The following EFCC1 variants were observed in gnomAD, a reference collection of about 807,000 sequenced individuals.
EFCC1 encodes EF-hand and coiled-coil domain-containing protein 1.
A neutral mutation model predicts 52.1 loss-of-function variants in EFCC1; 50 were observed. The ratio of observed to expected loss-of-function variants is 0.96; its 90% CI spans 0.76 to 1.21. EFCC1 has a LOEUF of 1.21. Among genes scored for constraint, EFCC1 ranks in the 50% most tolerant of loss-of-function variants. EFCC1 has a pLI of 0.00. For synonymous variants in EFCC1, 399 were observed against 396.5 expected, an observed-to-expected ratio of 1.01 and a Z score of -0.08; for missense variants, 837 against 867.3, an observed-to-expected ratio of 0.97 and a Z score of 0.44.
intron 2 of EFCC1, among the ~76,000 whole-genome samples, chr3:129,009,451 T>C (rs1246814115): frequency 6.6e-6 from 1 of 152,178 alleles, no homozygotes; most frequent in African/African-American, 2.4e-5. Context: ...AGACCATCTG[T>C]CATCTGAACC....
intron 3 of EFCC1, 64 bp from the exon 4 acceptor site, chr3:129,032,755 C>T: frequency 6.5e-7 from 1 of 1,526,812 alleles, no homozygotes. Context: ...CACATGTCCC[C>T]CTGGGGAGGG....
chr3:129,006,027 T>C (rs555379388), intron 2 of EFCC1, among the ~76,000 whole-genome samples: 1 of 152,254 alleles, frequency 6.6e-6, no homozygotes, highest in Non-Finnish European at 1.5e-5. Context: ...AGTGGATTCA[T>C]AGCCAATGCA....
At chr3:129,013,490 C>T (rs1287039519) in intron 2 of EFCC1, among the ~76,000 whole-genome samples, 5 of 152,206 alleles carry the variant, frequency 3.3e-5, no homozygotes, top group African/African-American at 1.2e-4. Context: ...TCTTGTCTTT[C>T]TCCTAGTTGG....
In EFCC1 at chr3:129,040,258, A is replaced by C. The variant is rs933655845; in HGVS notation, c.*410A>C. On this transcript the variant is annotated 3_prime_UTR_variant, in exon 8 of 8. Coordinates refer to ENST00000683648, the MANE Select transcript of EFCC1 (RefSeq NM_001377500.1). This position sits in a 1 kb window ranked among gnomAD's most constrained non-coding sequence, Gnocchi z 4.4. The stretch of plus-strand genomic sequence containing the variant: ...GCACTGTCTCCTTCCTCCCACTGGC[A>C]TGCCTGCTGCAACGGAGACTGGGCC... 2 of 180,132 alleles carry C rather than the reference A, an allele frequency of 1.1e-5. No individual in the cohort carries two copies. The highest frequency in any genetic ancestry group is 4.7e-5 in the African/African-American group (2 of 42,698). 11.2% of individuals were successfully genotyped at this position (180,132 alleles called of 1,614,324 possible).
chr3:129,031,005 G>A, intron 3 of EFCC1, 145 bp downstream of exon 3: 2 of 1,153,012 alleles, frequency 1.7e-6, no homozygotes, highest in African/African-American at 1.6e-5. Context: ...AGGCTGGGCT[G>A]GGGCCCTTTT....
In EFCC1 at chr3:129,040,484, G is replaced by C. The variant is rs1347717204; in HGVS notation, c.*636G>C. On this transcript the variant is annotated 3_prime_UTR_variant, in exon 8 of 8. Coordinates refer to ENST00000683648, the MANE Select transcript of EFCC1 (RefSeq NM_001377500.1). This position sits in a 1 kb window ranked among gnomAD's most constrained non-coding sequence, Gnocchi z 4.4. ...GGAAGGGCATAGAATCTAAGGTAATGGCAAGAGCAAAGGTGTGGAACCAGA... is the reference window on the plus strand; with the variant it reads ...GGAAGGGCATAGAATCTAAGGTAATCGCAAGAGCAAAGGTGTGGAACCAGA... 6.6e-6 allele frequency: 1 copy of C among 152,388 alleles called. No homozygotes were observed. The highest frequency in any genetic ancestry group is 2.4e-5 in the African/African-American group (1 of 41,468). 9.4% of individuals were successfully genotyped at this position (152,388 alleles called of 1,614,324 possible). A position where few individuals can be genotyped will look rare whatever the true frequency, so the allele number is the denominator to read the frequency against.
chr3:129,020,510 A>C (rs1222758731), intron 2 of EFCC1, among the ~76,000 whole-genome samples: 1 of 152,154 alleles, frequency 6.6e-6, no homozygotes, highest in East Asian at 1.9e-4. Flanking sequence ...GGTGGCCTGC[A>C]CCTGTGGTCC....
At chr3:129,039,029 T>C (rs1946391621) in intron 7 of EFCC1, 129 bp downstream of exon 7, 1 of 845,084 alleles carries the variant, frequency 1.2e-6, no homozygotes, top group Admixed American at 2.3e-5. Flanking sequence ...CCCTGCATGC[T>C]TTAGAAAGCT....
intron 2 of EFCC1, among the ~76,000 whole-genome samples, chr3:129,017,733 C>G (rs1322120848): frequency 2.4e-4 from 33 of 140,106 alleles, no homozygotes; most frequent in Admixed American, 2.2e-3. Context: ...TGTGATTAGA[C>G]AGGGATAATC....
At chr3:129,035,244 C>T (rs1651012439) in intron 5 of EFCC1, among the ~76,000 whole-genome samples, 1 of 152,206 alleles carries the variant, frequency 6.6e-6, no homozygotes, top group Admixed American at 6.5e-5. Flanking sequence ...TACCAGCTGA[C>T]TTGTACAACC....
Position 129,002,043 on chromosome 3 carries a change from G to A in EFCC1, c.415G>A (p.Glu139Lys), listed in dbSNP as rs747504557. ...ARLALRAEPPELTFRQFHARL... is the reference protein window; with the variant it reads ...ARLALRAEPPKLTFRQFHARL... The stretch of plus-strand genomic sequence containing the variant: ...CCTGGCGCTGCGCGCCGAGCCGCCG[G>A]AGCTCACCTTCCGCCAGTTCCACGC... The change falls in exon 1 of 8, where the codon GAG (glutamate) becomes AAG (lysine). Residue 139 changes from glutamate to lysine, a missense_variant. Physicochemically the swap from Glu to Lys is moderately conservative, Grantham distance 56. Coordinates refer to ENST00000683648, the MANE Select transcript of EFCC1 (RefSeq NM_001377500.1). 2.6e-6 allele frequency: 4 copies of A among 1,543,646 alleles called. No homozygotes were observed. Among genetic ancestry groups the A allele is most frequent in the East Asian group, 2.5e-5 (1 of 40,296 alleles).
At chr3:129,005,295 C>T (rs1576701352) in intron 2 of EFCC1, among the ~76,000 whole-genome samples, 4 of 152,274 alleles carry the variant, frequency 2.6e-5, no homozygotes, top group South Asian at 2.1e-4. Context: ...AGGATGTTAC[C>T]GGGCCAGATG....
intron 2 of EFCC1, among the ~76,000 whole-genome samples, chr3:129,027,555 A>G (rs974138170): frequency 9.2e-5 from 14 of 152,200 alleles, no homozygotes; most frequent in African/African-American, 3.4e-4. Context: ...TGAGAGGCTC[A>G]GCAAGGGGCC....
At chr3:129,023,405 T>TGCAA (rs1482341293) in intron 2 of EFCC1, among the ~76,000 whole-genome samples, 1 of 151,684 alleles carries the variant, frequency 6.6e-6, no homozygotes, top group Non-Finnish European at 1.5e-5. Flanking sequence ...CTTGGCTCAC[T>TGCAA]GCAAGCTCTG....
Position 129,039,769 on chromosome 3 carries a change from G to A in EFCC1, c.1721G>A (p.Cys574Tyr). The change falls in exon 8 of 8, where the codon TGC (cysteine) becomes TAC (tyrosine). Residue 574 changes from cysteine to tyrosine, a missense_variant. By Grantham distance (194) the Cys-to-Tyr change is radical. Transcript: ENST00000683648. ...LDALHQALAACQLLRRQPSAP... is the reference protein window; with the variant it reads ...LDALHQALAAYQLLRRQPSAP... ...GCCCTGCACCAAGCCTTGGCTGCCTGCCAGCTGTTGCGGAGACAGCCCTCG... is the reference window on the plus strand; with the variant it reads ...GCCCTGCACCAAGCCTTGGCTGCCTACCAGCTGTTGCGGAGACAGCCCTCG... The A allele has an allele frequency of 6.2e-7, 1 of 1,611,928 alleles. No homozygotes were observed. Among genetic ancestry groups the A allele is most frequent in the East Asian group, 2.2e-5 (1 of 44,712 alleles).
intron 1 of EFCC1, among the ~76,000 whole-genome samples, chr3:129,003,013 G>T (rs143352541): frequency 6.6e-6 from 1 of 152,320 alleles, no homozygotes; most frequent in African/African-American, 2.4e-5. Context: ...TGCCAGCCGA[G>T]CACCAAGGGC....
Position 129,002,205 on chromosome 3 carries a change from A to G in EFCC1, c.577A>G (p.Ser193Gly), listed in dbSNP as rs1944814856. The change falls in exon 1 of 8, where the codon AGC becomes GGC. Residue 193 changes from serine to glycine, a missense_variant. Coordinates refer to ENST00000683648, the MANE Select transcript of EFCC1 (RefSeq NM_001377500.1). ...RRPPCAPGPD[S>G]GPDCERVARL... is the part of the protein sequence containing the mutation. ...CCCGCCCTGCGCGCCTGGCCCCGAC[A>G]GCGGTCCTGACTGTGAGCGCGTTGC... is the stretch of plus-strand genomic sequence containing the variant. The G allele has an allele frequency of 2.0e-6, 3 of 1,516,094 alleles. No individual in the cohort carries two copies. The highest frequency in any genetic ancestry group is 5.3e-5 in the East Asian group (2 of 37,672). 93.9% of individuals were successfully genotyped at this position (1,516,094 alleles called of 1,614,324 possible). A position where few individuals can be genotyped will look rare whatever the true frequency, so the allele number is the denominator to read the frequency against.
intron 2 of EFCC1, among the ~76,000 whole-genome samples, chr3:129,021,637 G>A (rs560757345): frequency 2.0e-5 from 3 of 152,240 alleles, no homozygotes; most frequent in Admixed American, 6.5e-5. Context: ...GAGTCTGCGC[G>A]GGTATCTGTC....
At chr3:129,039,447 T>C (rs1946396700) in intron 7 of EFCC1, among the ~76,000 whole-genome samples, 1 of 152,142 alleles carries the variant, frequency 6.6e-6, no homozygotes, top group Admixed American at 6.5e-5. Context: ...CTCGCTGTCC[T>C]CCCCAGGCAC....
Sources: allele counts gnomAD v4.1 joint callset (sites outside exome capture counted in the v4.1 genomes callset), GRCh38; gene constraint gnomAD v4.1.1; non-coding constraint Gnocchi (gnomAD v3.1); transcripts MANE v1.5; gene names NCBI Gene and HGNC (gene_info 2026-07-23, HGNC 2026-07-21).